GPC5: variants seen among roughly 807,000 people sequenced by gnomAD.
GPC5 encodes the protein glypican-5.
Under a neutral mutation model 53.9 loss-of-function variants are expected in GPC5, and 47 were observed. That is an observed-to-expected ratio of 0.87 (90% CI 0.69 to 1.11). The LOEUF (loss-of-function observed/expected upper bound fraction) is 1.11. GPC5 is among the 50% of genes most tolerant of loss of function. The probability of loss-of-function intolerance (pLI) is 0.00; values close to 1 mark genes in which losing one functional copy is unlikely to be tolerated. For missense variants in GPC5, 748 were observed against 713.1 expected (o/e 1.05, Z -0.56); for synonymous variants, 286 against 263.3 (o/e 1.09, Z -0.84).
At chr13:91,594,989 T>C (rs569252991) in intron 2 of GPC5, among the ~76,000 whole-genome samples, 5 of 2,978 alleles carry the variant, frequency 1.7e-3, no homozygotes, top group African/African-American at 3.0e-3. Context: ...TATTTACATT[T>C]ATTTATTTAT....
intron 7 of GPC5, among the ~76,000 whole-genome samples, chr13:92,855,517 C>T (rs1878968870): frequency 1.3e-5 from 2 of 151,858 alleles, no homozygotes; most frequent in African/African-American, 2.4e-5. Flanking sequence ...TACTTAGATG[C>T]TTGTCAGTTA....
At chr13:91,804,893 TG>T (rs2038195983) in intron 5 of GPC5, among the ~76,000 whole-genome samples, 1 of 152,198 alleles carries the variant, frequency 6.6e-6, no homozygotes, top group Admixed American at 6.5e-5. Context: ...ATACCAGACC[TG>T]GCAGGCCAGG....
At chr13:92,207,860 A>G (rs1157616218) in intron 7 of GPC5, among the ~76,000 whole-genome samples, 1 of 152,182 alleles carries the variant, frequency 6.6e-6, no homozygotes, top group Non-Finnish European at 1.5e-5. Flanking sequence ...GAACATTTTT[A>G]TCTACCACTA....
At chr13:91,695,467 G>A (rs141057334) in intron 3 of GPC5, among the ~76,000 whole-genome samples, 2,575 of 152,128 alleles carry the variant, frequency 0.017, 33 homozygotes, top group Middle Eastern at 0.041. Context: ...TCCGCCTTCC[G>A]GGTTCATGCC....
chr13:92,325,999 G>A (rs2043248151), intron 7 of GPC5, among the ~76,000 whole-genome samples: 1 of 152,066 alleles, frequency 6.6e-6, no homozygotes, highest in African/African-American at 2.4e-5. Context: ...TTCATTATAT[G>A]TTAATGGTAC....
intron 7 of GPC5, among the ~76,000 whole-genome samples, chr13:92,411,078 C>T (rs1028364949): frequency 6.6e-6 from 1 of 151,922 alleles, no homozygotes; most frequent in Non-Finnish European, 1.5e-5. Context: ...CTCTCCAAAA[C>T]AAACAAACAA....
At chr13:92,509,150 G>T (rs1183068684) in intron 7 of GPC5, among the ~76,000 whole-genome samples, 1 of 152,056 alleles carries the variant, frequency 6.6e-6, no homozygotes, top group African/African-American at 2.4e-5. Context: ...CATGGTATAG[G>T]CTCTATCATG....
At chr13:91,436,151 T>C (rs1879927800) in intron 1 of GPC5, among the ~76,000 whole-genome samples, 2 of 152,186 alleles carry the variant, frequency 1.3e-5, no homozygotes, top group Non-Finnish European at 2.9e-5. Context: ...CTGGATTCAT[T>C]GATTTTTTGA....
chr13:92,089,952 T>A (rs1433295049), intron 6 of GPC5, among the ~76,000 whole-genome samples: 1 of 152,212 alleles, frequency 6.6e-6, no homozygotes, highest in Non-Finnish European at 1.5e-5. Context: ...ATATCTTGCA[T>A]AAACTTGTTC....
At chr13:92,265,325 A>G (rs1186381154) in intron 7 of GPC5, among the ~76,000 whole-genome samples, 2 of 152,122 alleles carry the variant, frequency 1.3e-5, no homozygotes, top group East Asian at 3.9e-4. Context: ...AGCTGCTTCA[A>G]TATTTTGCTG....
chr13:92,470,370 T>C (rs898859537), intron 7 of GPC5, among the ~76,000 whole-genome samples: 1 of 152,168 alleles, frequency 6.6e-6, no homozygotes, highest in Non-Finnish European at 1.5e-5. Context: ...TTTTTTTAAA[T>C]TTTTTTATTA....
intron 7 of GPC5, among the ~76,000 whole-genome samples, chr13:92,196,714 T>A (rs1266068673): frequency 6.6e-6 from 1 of 152,230 alleles, no homozygotes; most frequent in Non-Finnish European, 1.5e-5. Context: ...TCAAAAGCTG[T>A]AACTCTGCCC....
At chr13:91,857,110 C>T (rs1481820913) in intron 5 of GPC5, among the ~76,000 whole-genome samples, 2 of 151,074 alleles carry the variant, frequency 1.3e-5, no homozygotes, top group Non-Finnish European at 3.0e-5. Context: ...ATTTATCTTC[C>T]CTTACACCAA....
At position 92,685,558 on chromosome 13, in the gene GPC5, T is replaced by TA. The variant is rs1555302900; in HGVS notation, c.1562-180722dup. ...AAATTATGCTCATTTTTTTTTTTTT[T>TA]AATTTTTTTTTTTTTTATTATACTC... is the stretch of plus-strand genomic sequence containing the variant. On this transcript the variant is annotated intron_variant, in intron 7 of 7. Coordinates refer to ENST00000377067, the MANE Select transcript of GPC5 (RefSeq NM_004466.6). Among the ~76,000 whole-genome samples the TA allele has an allele frequency of 2.4e-4, 26 of 109,758 alleles. No homozygotes were observed. In the East Asian group the frequency reaches 5.3e-3, roughly 22 times the overall value. 72.0% of individuals were successfully genotyped at this position (109,758 alleles called of 152,430 possible). A position where few individuals can be genotyped will look rare whatever the true frequency, so the allele number is the denominator to read the frequency against.
intron 5 of GPC5, among the ~76,000 whole-genome samples, chr13:91,838,812 T>C (rs2038751729): frequency 6.6e-6 from 1 of 152,148 alleles, no homozygotes; most frequent in Non-Finnish European, 1.5e-5. Context: ...ACAATTGTTC[T>C]TTCTACTTCT....
At chr13:91,531,854 C>T (rs1360366717) in intron 2 of GPC5, among the ~76,000 whole-genome samples, 1 of 152,184 alleles carries the variant, frequency 6.6e-6, no homozygotes, top group African/African-American at 2.4e-5. Flanking sequence ...CTTGTGCTTC[C>T]AGATTGGGAA....
rs140605621 is a variant in GPC5 at position 91,931,742 on chromosome 13, G to T, written c.1401+23685G>T. Among the ~76,000 whole-genome samples the T allele has an allele frequency of 4.5e-3, 677 of 152,082 alleles. 10 individuals are homozygous for T. Among genetic ancestry groups the T allele is most frequent in the African/African-American group, 0.016 (650 of 41,516 alleles). On this transcript the variant is annotated intron_variant, in intron 6 of 7. Transcript: ENST00000377067. The stretch of plus-strand genomic sequence containing the variant: ...GAAAAAGGGAGAACTTGGGAATGAG[G>T]CAGGGGCTTTTTATTGCTTCAGCCC...
Position 92,592,969 on chromosome 13 carries a change from T to G in GPC5, c.1562-273313T>G, listed in dbSNP as rs551366858. ...GAGATACTTTCACTACAGCAGGAAG[T>G]GGGCGATGTGCAGTTAAGACATCCC... On this transcript the variant is annotated intron_variant, in intron 7 of 7. Coordinates refer to ENST00000377067, the MANE Select transcript of GPC5 (RefSeq NM_004466.6). Among the ~76,000 whole-genome samples the G allele has an allele frequency of 5.9e-4, 89 of 151,098 alleles. 8 individuals are homozygous for G. The highest frequency in any genetic ancestry group is 9.9e-4 in the Admixed American group (15 of 15,108).
Position 91,628,516 on chromosome 13 carries a change from A to C in GPC5, c.326-64671A>C, listed in dbSNP as rs576557018. On this transcript the variant is annotated intron_variant, in intron 2 of 7. Transcript: ENST00000377067. ...TGTCTGTCTGTCTATCTCTCTATCT[A>C]TCTGTCATCTATCAATCATTTATCA... 2.1e-4 allele frequency among the ~76,000 whole-genome samples: 31 copies of C among 148,260 alleles called. No individual in the cohort carries two copies. In the East Asian group the frequency reaches 4.5e-3, roughly 21 times the overall value.
Sources: allele counts gnomAD v4.1 joint callset (sites outside exome capture counted in the v4.1 genomes callset), GRCh38; gene constraint gnomAD v4.1.1; transcripts MANE v1.5; gene names NCBI Gene and HGNC (gene_info 2026-07-23, HGNC 2026-07-21).